Variants in DLGAP2 observed in about 807,000 individuals in gnomAD.
The protein encoded by DLGAP2 is disks large-associated protein 2.
In DLGAP2, 26 loss-of-function variants were observed where a neutral mutation model predicts 100.3. That is an observed-to-expected ratio of 0.26 (90% CI 0.19 to 0.36). The LOEUF (loss-of-function observed/expected upper bound fraction) is 0.36, where lower values mean the gene tolerates loss of function less well. Ranked by LOEUF, DLGAP2 falls within the 10% of genes least tolerant of loss-of-function variation. DLGAP2 has a pLI of 1.00. For synonymous variants in DLGAP2, 886 were observed against 630.1 expected, an observed-to-expected ratio of 1.41 and a Z score of -6.08; for missense variants, 1,858 against 1,453.2, an observed-to-expected ratio of 1.28 and a Z score of -4.53.
chr8:1,391,587 C>A (rs1204731160), intron 3 of DLGAP2, among the ~76,000 whole-genome samples: 2 of 152,300 alleles, frequency 1.3e-5, no homozygotes, highest in South Asian at 4.2e-4. Flanking sequence ...GGATGCCTCA[C>A]AGAGCTGGCC....
intron 2 of DLGAP2, among the ~76,000 whole-genome samples, chr8:933,644 G>A (rs11782745): frequency 0.032 from 1,917 of 59,382 alleles, 163 homozygotes; most frequent in Admixed American, 0.041. Context: ...CTGTGGGCAC[G>A]AGGGGAGGGT....
chr8:1,134,550 T>G (rs10112755), intron 2 of DLGAP2, among the ~76,000 whole-genome samples: 71,677 of 151,640 alleles, frequency 0.47, 17,178 homozygotes, highest in Middle Eastern at 0.57. Flanking sequence ...ATGATAGAAC[T>G]TACATTAATC....
chr8:1,302,766 G>A (rs1189298437), intron 3 of DLGAP2, among the ~76,000 whole-genome samples: 1 of 152,274 alleles, frequency 6.6e-6, no homozygotes, highest in Non-Finnish European at 1.5e-5. Context: ...CCCCGCCTGG[G>A]GACCATGGAG....
chr8:1,230,122 C>G (rs1798504746), intron 2 of DLGAP2, among the ~76,000 whole-genome samples: 1 of 152,190 alleles, frequency 6.6e-6, no homozygotes, highest in Non-Finnish European at 1.5e-5. Flanking sequence ...CCCAAAGACT[C>G]TGCCAAAGGG....
At chr8:796,017 G>T (rs1796028704) in intron 1 of DLGAP2, among the ~76,000 whole-genome samples, 11 of 143,000 alleles carry the variant, frequency 7.7e-5, no homozygotes, top group Admixed American at 1.4e-4. Flanking sequence ...CGTCCAGTGA[G>T]AGCAGGCATC....
At chr8:1,048,425 C>A (rs559264404) in intron 2 of DLGAP2, among the ~76,000 whole-genome samples, 1 of 152,044 alleles carries the variant, frequency 6.6e-6, no homozygotes, top group African/African-American at 2.4e-5. Flanking sequence ...TAAAACCTGC[C>A]ACCGGGTGTT....
intron 3 of DLGAP2, among the ~76,000 whole-genome samples, chr8:1,391,993 C>T (rs1409869316): frequency 5.9e-5 from 9 of 152,318 alleles, no homozygotes; most frequent in South Asian, 2.1e-4. Context: ...AAAACCAGGT[C>T]GTAGGACTGA....
intron 3 of DLGAP2, among the ~76,000 whole-genome samples, chr8:1,389,924 C>T (rs1053415010): frequency 2.6e-5 from 4 of 152,080 alleles, no homozygotes. Context: ...AGAGAGGGGC[C>T]GCGGAGCACC....
chr8:1,020,972 A>T (rs1202912836), intron 2 of DLGAP2, among the ~76,000 whole-genome samples: 1 of 152,240 alleles, frequency 6.6e-6, no homozygotes, highest in Non-Finnish European at 1.5e-5. Flanking sequence ...CCACTGCAGT[A>T]GGACAAAGTG....
intron 2 of DLGAP2, among the ~76,000 whole-genome samples, chr8:1,217,422 G>T (rs569395613): frequency 2.6e-5 from 4 of 152,162 alleles, no homozygotes; most frequent in African/African-American, 7.2e-5. Context: ...GAACACAGGG[G>T]AGTGCATGTG....
intron 2 of DLGAP2, among the ~76,000 whole-genome samples, chr8:1,240,315 G>C (rs1798759031): frequency 7.1e-6 from 1 of 141,792 alleles, no homozygotes; most frequent in Admixed American, 7.2e-5. Context: ...CTCACATGGT[G>C]CTGTGTCTAG....
chr8:1,473,211 G>A (rs967120574), intron 3 of DLGAP2, among the ~76,000 whole-genome samples: 3 of 152,208 alleles, frequency 2.0e-5, no homozygotes, highest in Admixed American at 1.3e-4. Context: ...GATTACAGTC[G>A]TGAGCCACCG....
At chr8:823,257 A>T (rs1320500179) in intron 1 of DLGAP2, among the ~76,000 whole-genome samples, 1 of 152,068 alleles carries the variant, frequency 6.6e-6, no homozygotes, top group Non-Finnish European at 1.5e-5. Flanking sequence ...TTGTTCTGGC[A>T]TTTCGGGAGC....
chr8:1,266,648 C>T (rs985076324), intron 3 of DLGAP2, among the ~76,000 whole-genome samples: 32 of 152,140 alleles, frequency 2.1e-4, no homozygotes, highest in African/African-American at 7.7e-4. Flanking sequence ...AGTCACCACG[C>T]ACTGACGTAC....
At chr8:1,208,391 A>C (rs779588817) in intron 2 of DLGAP2, among the ~76,000 whole-genome samples, 51 of 152,294 alleles carry the variant, frequency 3.3e-4, no homozygotes, top group South Asian at 2.1e-4. Context: ...TGATCATCTC[A>C]ACAGTTGCAG....
At position 737,690 on chromosome 8, in the gene DLGAP2, ACGGACGGACCG is replaced by A. The variant is rs1820352989; in HGVS notation, c.-108_-98del. The A allele has an allele frequency of 2.7e-6, 1 of 367,112 alleles. No homozygotes were observed. Among genetic ancestry groups the A allele is most frequent in the Non-Finnish European group, 4.9e-6 (1 of 205,756 alleles). 22.7% of individuals were successfully genotyped at this position (367,112 alleles called of 1,614,324 possible). A position where few individuals can be genotyped will look rare whatever the true frequency, so the allele number is the denominator to read the frequency against. ...GCGCGGCGCCTGCGGCGGCGAACGG[ACGGACGGACCG>A]CGGACGGACGTACTGACCCCAACCC... On this transcript the variant is annotated 5_prime_UTR_variant, in exon 1 of 15. Transcript: ENST00000637795.
intron 3 of DLGAP2, among the ~76,000 whole-genome samples, chr8:1,304,096 T>A (rs1306057686): frequency 1.3e-5 from 2 of 152,214 alleles, no homozygotes; most frequent in Admixed American, 6.5e-5. Context: ...TTTACTGCAT[T>A]CTTCAGGGCA....
intron 2 of DLGAP2, among the ~76,000 whole-genome samples, chr8:1,086,292 C>G (rs1043780449): frequency 6.6e-6 from 1 of 152,100 alleles, no homozygotes; most frequent in Admixed American, 6.5e-5. Flanking sequence ...ACTTCTAGTA[C>G]TATATCGAAT....
chr8:1,461,054 G>A (rs900466979), intron 3 of DLGAP2, among the ~76,000 whole-genome samples: 1 of 151,930 alleles, frequency 6.6e-6, no homozygotes, highest in Non-Finnish European at 1.5e-5. Flanking sequence ...CAGTGGCCAG[G>A]AGGAGAGAGA....
Sources: allele counts gnomAD v4.1 joint callset (sites outside exome capture counted in the v4.1 genomes callset), GRCh38; gene constraint gnomAD v4.1.1; transcripts MANE v1.5; gene names NCBI Gene and HGNC (gene_info 2026-07-23, HGNC 2026-07-21).